Variants in CDC14B observed in about 807,000 individuals in gnomAD.
CDC14B encodes the protein cell division cycle 14B.
Under a neutral mutation model 64.2 loss-of-function variants are expected in CDC14B, and 22 were observed. The ratio of observed to expected loss-of-function variants is 0.34; its 90% CI spans 0.24 to 0.49. The LOEUF (loss-of-function observed/expected upper bound fraction) is 0.49, where lower values mean the gene tolerates loss of function less well. Among genes scored for constraint, CDC14B ranks in the 20% least tolerant of loss-of-function variants. The pLI is 0.99. For missense variants in CDC14B, 498 were observed against 629.9 expected, an observed-to-expected ratio of 0.79 and a Z score of 2.24; for synonymous variants, 191 against 215.8, an observed-to-expected ratio of 0.89 and a Z score of 1.01.
At chr9:96,514,386 A>G in intron 12 of CDC14B, 2 of 979,994 alleles carry the variant, frequency 2.0e-6, no homozygotes, top group Non-Finnish European at 2.4e-6. Flanking sequence ...GAAGTAAAGA[A>G]GAAAACACCC....
chr9:96,579,511 G>A (rs28409643), intron 1 of CDC14B, among the ~76,000 whole-genome samples: 3,473 of 151,922 alleles, frequency 0.023, 106 homozygotes, highest in African/African-American at 0.079. Context: ...GCCTGAACCC[G>A]GGAGGCGGAG....
chr9:96,568,989 T>C (rs1306906112), intron 1 of CDC14B, among the ~76,000 whole-genome samples: 2 of 152,054 alleles, frequency 1.3e-5, no homozygotes, highest in African/African-American at 2.4e-5. Context: ...ACCACTTCTA[T>C]GTGTGAGTTT....
intron 1 of CDC14B, chr9:96,618,667 G>C (rs1847790976): frequency 1.9e-6 from 1 of 517,340 alleles, no homozygotes; most frequent in African/African-American, 1.9e-5. Context: ...GGGAGGCCCA[G>C]GAGAGGGGCT....
intron 1 of CDC14B, among the ~76,000 whole-genome samples, chr9:96,567,597 A>C (rs1447038904): frequency 6.6e-6 from 1 of 152,258 alleles, no homozygotes; most frequent in Non-Finnish European, 1.5e-5. Flanking sequence ...ATGGTTTAAA[A>C]ACAAAAATGT....
At chr9:96,547,620 A>AT (rs576623098) in intron 5 of CDC14B, among the ~76,000 whole-genome samples, 17 of 151,410 alleles carry the variant, frequency 1.1e-4, no homozygotes, top group Admixed American at 8.6e-4. Context: ...TGCCCAGCTA[A>AT]TTTTTTTTTC....
intron 12 of CDC14B, among the ~76,000 whole-genome samples, chr9:96,513,682 C>A (rs1019499840): frequency 3.3e-5 from 5 of 152,186 alleles, no homozygotes; most frequent in African/African-American, 1.2e-4. Context: ...GAAAAAAATC[C>A]ATCAGGGCAA....
chr9:96,564,154 T>C (rs1256559635), intron 3 of CDC14B, among the ~76,000 whole-genome samples: 1 of 152,198 alleles, frequency 6.6e-6, no homozygotes, highest in Admixed American at 6.5e-5. Flanking sequence ...AAGCAGTACA[T>C]ACATAACTTC....
intron 1 of CDC14B, among the ~76,000 whole-genome samples, chr9:96,605,645 G>T (rs1846851734): frequency 6.6e-6 from 1 of 152,158 alleles, no homozygotes; most frequent in African/African-American, 2.4e-5. Flanking sequence ...ATCTGTTCTG[G>T]GGAATGCAAA....
chr9:96,562,840 A>G, intron 3 of CDC14B, 55 bp from the exon 4 acceptor site: 1 of 1,150,256 alleles, frequency 8.7e-7, no homozygotes, highest in Non-Finnish European at 1.3e-6. Context: ...AGTCTTCCAC[A>G]ATTTCATTTT....
At chr9:96,606,950 C>A (rs917051735) in intron 1 of CDC14B, among the ~76,000 whole-genome samples, 2 of 151,528 alleles carry the variant, frequency 1.3e-5, no homozygotes, top group African/African-American at 4.9e-5. Flanking sequence ...GTGGGAGGAT[C>A]ACGAGCACAG....
chr9:96,547,170 G>C (rs1257445662), intron 5 of CDC14B, among the ~76,000 whole-genome samples: 1 of 150,672 alleles, frequency 6.6e-6, no homozygotes, highest in Admixed American at 6.6e-5. Context: ...TTTTTTTTAA[G>C]AGACAGGGTC....
At chr9:96,504,454 G>A (rs1033533429) in intron 13 of CDC14B, among the ~76,000 whole-genome samples, 6 of 152,244 alleles carry the variant, frequency 3.9e-5, no homozygotes, top group South Asian at 4.2e-4. Context: ...AGGGCTCCTC[G>A]CCCGATGCTG....
intron 1 of CDC14B, among the ~76,000 whole-genome samples, chr9:96,613,020 G>A (rs1009619579): frequency 1.3e-5 from 2 of 152,150 alleles, no homozygotes; most frequent in Non-Finnish European, 2.9e-5. Context: ...GACTAACTAG[G>A]AGATATCCAA....
chr9:96,541,751 G>T, intron 6 of CDC14B, 75 bp downstream of exon 6: 1 of 1,002,126 alleles, frequency 1.0e-6, no homozygotes. Flanking sequence ...AAGATCTCGG[G>T]AAGAAGGCCT....
At chr9:96,586,462 G>C (rs1845460060) in intron 1 of CDC14B, among the ~76,000 whole-genome samples, 1 of 152,002 alleles carries the variant, frequency 6.6e-6, no homozygotes, top group African/African-American at 2.4e-5. Context: ...TTATAGACAG[G>C]GTCTCACTGT....
chr9:96,587,175 AAACAAAAAC>A (rs1845495612), intron 1 of CDC14B, among the ~76,000 whole-genome samples: 1 of 150,020 alleles, frequency 6.7e-6, no homozygotes, highest in Non-Finnish European at 1.5e-5. Context: ...TCTGTCTCGA[AAACAAAAAC>A]AACAAAAAAA....
intron 5 of CDC14B, among the ~76,000 whole-genome samples, chr9:96,549,235 AAAAC>A (rs1841440129): frequency 6.6e-6 from 1 of 152,310 alleles, no homozygotes; most frequent in African/African-American, 2.4e-5. Flanking sequence ...AAGGGGAAAA[AAAAC>A]AAAATACAAG....
chr9:96,619,357 G>T lies in CDC14B; in HGVS notation c.22C>A (p.Arg8=), dbSNP rs1238194552. The T allele has an allele frequency of 5.7e-6, 7 of 1,235,780 alleles. No individual in the cohort carries two copies. The highest frequency in any genetic ancestry group is 7.1e-6 in the Non-Finnish European group (7 of 986,400). The allele number at this position is 1,235,780 out of a possible 1,614,324, so 76.6% of individuals were successfully genotyped here. A position where few individuals can be genotyped will look rare whatever the true frequency, so the allele number is the denominator to read the frequency against. The part of the protein sequence containing the change: MKRKSER[R]SSWAAAPPCS... ...GGGGGCGCGGCGGCCCAGCTCGACCGCCGCTCGCTTTTCCGCTTCATGGAG... is the reference window on the plus strand; with the variant it reads ...GGGGGCGCGGCGGCCCAGCTCGACCTCCGCTCGCTTTTCCGCTTCATGGAG... Residue 8 remains arginine, a synonymous_variant, in exon 1 of 14, where the codon CGG becomes AGG. Coordinates refer to ENST00000375241, the MANE Select transcript of CDC14B (RefSeq NM_033331.4).
intron 1 of CDC14B, among the ~76,000 whole-genome samples, chr9:96,579,967 T>C (rs1845046408): frequency 6.6e-6 from 1 of 152,212 alleles, no homozygotes; most frequent in East Asian, 1.9e-4. Flanking sequence ...TTGTAGCTTA[T>C]ATAACAAGGA....
Sources: allele counts gnomAD v4.1 joint callset (sites outside exome capture counted in the v4.1 genomes callset), GRCh38; gene constraint gnomAD v4.1.1; transcripts MANE v1.5; gene names NCBI Gene and HGNC (gene_info 2026-07-23, HGNC 2026-07-21).